Variants in KHSRP observed in about 807,000 individuals in gnomAD.
The protein encoded by KHSRP is KH-type splicing regulatory protein, also known as far upstream element-binding protein 2.
Under a neutral mutation model 94.9 loss-of-function variants are expected in KHSRP, and 13 were observed. The ratio of observed to expected loss-of-function variants is 0.14; its 90% CI spans 0.09 to 0.22. The LOEUF is 0.22. Among genes scored for constraint, KHSRP ranks in the 10% least tolerant of loss-of-function variants. The probability of loss-of-function intolerance (pLI) is 1.00; values close to 1 mark genes in which losing one functional copy is unlikely to be tolerated. For synonymous variants in KHSRP, 495 were observed against 401.4 expected (o/e 1.23, Z -2.79); for missense variants, 710 against 1,010.0 (o/e 0.70, Z 4.03).
At chr19:6,417,578 C>CAGAGA (rs1568342815) in intron 11 of KHSRP, among the ~76,000 whole-genome samples, 161 bp downstream of exon 11, 1 of 152,160 alleles carries the variant, frequency 6.6e-6, no homozygotes, top group Admixed American at 6.5e-5. Flanking sequence ...GTGTCTGTCC[C>CAGAGA]AGAGAAGAGA....
rs1022234351 is a variant in KHSRP, at chr19:6,418,601, C to T, written c.781-20G>A. 22 of 1,613,114 alleles carry T rather than the reference C, an allele frequency of 1.4e-5. No individual in the cohort carries two copies. The highest frequency in any genetic ancestry group is 1.7e-5 in the Admixed American group (1 of 60,002). Reference sequence around the variant, plus strand: ...GCGTTCCTTTACAAGCAAGGTTAACCGTTAGTGCTGGGCTCTCCCAGGACT... The same window carrying T: ...GCGTTCCTTTACAAGCAAGGTTAACTGTTAGTGCTGGGCTCTCCCAGGACT... On this transcript the variant is annotated intron_variant, in intron 8 of 18. Coordinates refer to ENST00000600480, the MANE Select transcript of KHSRP (RefSeq NM_001366299.1). The surrounding 1 kb of genome is among the most constrained non-coding windows in gnomAD (Gnocchi z 4.3).
At chr19:6,415,950 C>T (rs577380273) in intron 15 of KHSRP, 54 bp from the exon 16 acceptor site, 225 of 1,152,380 alleles carry the variant, frequency 2.0e-4, no homozygotes, top group Middle Eastern at 2.3e-4. Flanking sequence ...TGGCCGCAGC[C>T]GGACCACCTG....
Position 6,413,893 on chromosome 19 carries a change from C to G in KHSRP, c.*1131G>C. On this transcript the variant is annotated 3_prime_UTR_variant, in exon 19 of 19. Coordinates refer to ENST00000600480, the MANE Select transcript of KHSRP (RefSeq NM_001366299.1). ...TCTGGCTGGCTCAACATGGAAGGAT[C>G]CCAATTTTGAAAGAAAAAGCATGTG... 1 of 417,392 alleles carries G rather than the reference C, an allele frequency of 2.4e-6. No individual in the cohort carries two copies. The allele number at this position is 417,392 out of a possible 1,614,324, so 25.9% of individuals were successfully genotyped here.
At chr19:6,421,603 T>C in intron 3 of KHSRP, 47 bp downstream of exon 3, 1 of 1,607,416 alleles carries the variant, frequency 6.2e-7, no homozygotes, top group East Asian at 2.2e-5. Flanking sequence ...CCTGAAAACC[T>C]CAACCCTCTG....
At position 6,421,288 on chromosome 19, in the gene KHSRP, G is replaced by A. The variant is rs1004347173; in HGVS notation, c.415C>T (p.Pro139Ser). 7 of 1,590,082 alleles carry A rather than the reference G, an allele frequency of 4.4e-6. No homozygotes were observed. The highest frequency in any genetic ancestry group is 6.0e-6 in the Non-Finnish European group (7 of 1,168,632). ...SISSQLGPIH[P>S]PPRTSMTEEY... ...CCCACCATGGCTTACCTTGGGGGAGGATGGATGGGTCCAAGTTGAGAACTG... is the reference window on the plus strand; with the variant it reads ...CCCACCATGGCTTACCTTGGGGGAGAATGGATGGGTCCAAGTTGAGAACTG... The change falls in exon 4 of 19, where the codon CCT (proline) becomes TCT (serine). Residue 139 changes from proline (P) to serine (S), a missense_variant. This residue lies in a region of KHSRP where 288 missense variants were observed against 501.1 expected (regional missense o/e 0.57). Transcript: ENST00000600480.
intron 5 of KHSRP, 73 bp from the exon 6 acceptor site, chr19:6,420,217 C>T (rs1413124657): frequency 2.8e-6 from 4 of 1,431,824 alleles, no homozygotes; most frequent in East Asian, 2.4e-5. Flanking sequence ...GACTGTGTGG[C>T]CGGGGCCCCA....
rs1318697965 is a variant in KHSRP at position 6,414,925 on chromosome 19, G to T, written c.*99C>A. 7.1e-7 allele frequency: 1 copy of T among 1,405,758 alleles called. No individual in the cohort carries two copies. Among genetic ancestry groups the T allele is most frequent in the African/African-American group, 1.5e-5 (1 of 68,920 alleles). The allele number at this position is 1,405,758 out of a possible 1,614,324, so 87.1% of individuals were successfully genotyped here. Reference sequence around the variant, plus strand: ...ACACAGGAACAAGCAGCCGGCGCAGGGAGGCCTCTTCGTTTAACCTCTGGA... The same window carrying T: ...ACACAGGAACAAGCAGCCGGCGCAGTGAGGCCTCTTCGTTTAACCTCTGGA... On this transcript the variant is annotated 3_prime_UTR_variant, in exon 19 of 19. Coordinates refer to ENST00000600480, the MANE Select transcript of KHSRP (RefSeq NM_001366299.1).
chr19:6,414,140 AG>A lies in KHSRP; in HGVS notation c.*883del. On this transcript the variant is annotated 3_prime_UTR_variant, in exon 19 of 19. Transcript: ENST00000600480. The stretch of plus-strand genomic sequence containing the variant: ...TTGAGCCTGCGGAGAGGGAAGAGAT[AG>A]GAATTGGTCACTACGGGGAGGGAAG... The A allele has an allele frequency of 4.0e-6, 4 of 1,011,858 alleles. No individual in the cohort carries two copies. Among genetic ancestry groups the A allele is most frequent in the South Asian group, 1.2e-5 (1 of 80,136 alleles). The allele number at this position is 1,011,858 out of a possible 1,614,324, so 62.7% of individuals were successfully genotyped here.
In KHSRP at chr19:6,416,297, CTG is replaced by C; in HGVS notation, c.1597_1598del (p.His533CysfsTer28). ...FNQGPPGAPP[H>X]AGGPPPHQYP... ...AAACCCAGGAGGCAGAGGATACTCA[CTG>C]TGGGGGAGCCCCGGGTGGCCCCTGG... On this transcript the variant is annotated frameshift_variant and splice_region_variant, in exon 15 of 19. Coordinates refer to ENST00000600480, the MANE Select transcript of KHSRP (RefSeq NM_001366299.1). LOFTEE classifies it high-confidence loss of function. The C allele has an allele frequency of 6.2e-7, 1 of 1,600,106 alleles. No individual in the cohort carries two copies. Among genetic ancestry groups the C allele is most frequent in the Non-Finnish European group, 8.5e-7 (1 of 1,175,498 alleles).
chr19:6,417,123 T>A, intron 11 of KHSRP, 36 bp from the exon 12 acceptor site: 1 of 1,539,300 alleles, frequency 6.5e-7, no homozygotes, highest in Non-Finnish European at 8.8e-7. Context: ...GACACAAGTT[T>A]AAAAGAAGAG....
intron 1 of KHSRP, among the ~76,000 whole-genome samples, chr19:6,422,983 G>T (rs1018219864): frequency 6.6e-6 from 1 of 152,186 alleles, no homozygotes; most frequent in African/African-American, 2.4e-5. Context: ...GACCAAAACA[G>T]AAGACTCTCT....
In KHSRP at chr19:6,424,408, TGCGC is replaced by T. The variant is rs1161421704; in HGVS notation, c.249+41_249+44del. ...CGTGACCCCCGCCCCCTCCCCCGCC[TGCGC>T]GCGCGCGCGAGCGCGCCCCTCAGGC... On this transcript the variant is annotated intron_variant, in intron 1 of 18. Coordinates refer to ENST00000600480, the MANE Select transcript of KHSRP (RefSeq NM_001366299.1). The T allele has an allele frequency of 2.5e-4, 205 of 819,348 alleles. 1 individual carries two copies. The African/African-American group carries it at 3.6e-3, about 14-fold the overall frequency. 50.8% of individuals were successfully genotyped at this position (819,348 alleles called of 1,614,324 possible).
chr19:6,415,351 G>A (rs1006231257), intron 18 of KHSRP, 29 bp downstream of exon 18: 1 of 1,612,216 alleles, frequency 6.2e-7, no homozygotes, highest in Non-Finnish European at 8.5e-7. Flanking sequence ...GGCTGCCCCT[G>A]CCCCTGTCCC....
chr19:6,416,437 TG>T (rs1568341928), intron 14 of KHSRP, 30 bp from the exon 15 acceptor site: 1 of 1,613,036 alleles, frequency 6.2e-7, no homozygotes, highest in Admixed American at 1.7e-5. Flanking sequence ...CCAAGGTAAG[TG>T]GGCTGGGATC....
Position 6,414,838 on chromosome 19 carries a change from T to A in KHSRP, c.*186A>T. On this transcript the variant is annotated 3_prime_UTR_variant, in exon 19 of 19. Coordinates refer to ENST00000600480, the MANE Select transcript of KHSRP (RefSeq NM_001366299.1). Reference sequence around the variant, plus strand: ...CCGCGCTGTCTGCCTGCCCCCCGACTCCCCAGCAGTTCAGAAGTCCCGCCT... The same window carrying A: ...CCGCGCTGTCTGCCTGCCCCCCGACACCCCAGCAGTTCAGAAGTCCCGCCT... The A allele has an allele frequency of 1.6e-6, 2 of 1,237,310 alleles. No individual in the cohort carries two copies. The highest frequency in any genetic ancestry group is 2.0e-6 in the Non-Finnish European group (2 of 987,554). 76.6% of individuals were successfully genotyped at this position (1,237,310 alleles called of 1,614,324 possible).
chr19:6,421,363 G>T (rs953708031), intron 3 of KHSRP, 46 bp from the exon 4 acceptor site: 1 of 1,560,062 alleles, frequency 6.4e-7, no homozygotes, highest in East Asian at 2.4e-5. Flanking sequence ...GCTCCTCCTC[G>T]GGCACTTGGC....
chr19:6,424,356 C>A, intron 1 of KHSRP, 97 bp downstream of exon 1: 1 of 528,266 alleles, frequency 1.9e-6, no homozygotes, highest in Non-Finnish European at 2.4e-6. Flanking sequence ...CCCGGCCCCC[C>A]TCCGCGACCC....
chr19:6,418,207 G>A lies in KHSRP; in HGVS notation c.880-128C>T. The A allele has an allele frequency of 1.3e-6, 1 of 766,102 alleles. No individual in the cohort carries two copies. The highest frequency in any genetic ancestry group is 2.2e-6 in the Non-Finnish European group (1 of 451,650). The allele number at this position is 766,102 out of a possible 1,614,324, so 47.5% of individuals were successfully genotyped here. On this transcript the variant is annotated intron_variant, in intron 9 of 18. Transcript: ENST00000600480. This position sits in a 1 kb window ranked among gnomAD's most constrained non-coding sequence, Gnocchi z 4.3. ...GGTGAGCCCAGCACAGCACCCTACT[G>A]AGCTCTCTACCTGCCACTTTAATGG...
chr19:6,416,432 G>A (rs762834774), intron 14 of KHSRP, 25 bp from the exon 15 acceptor site: 3 of 1,613,194 alleles, frequency 1.9e-6, no homozygotes, highest in Admixed American at 1.7e-5. Flanking sequence ...AGTAACCAAG[G>A]TAAGTGGGCT....
Sources: gnomAD v4.1 joint callset for allele counts (sites outside exome capture counted in the v4.1 genomes callset) on GRCh38, gnomAD v4.1.1 for gene constraint, gnomAD v4.1.1 regional missense constraint, Gnocchi (gnomAD v3.1) non-coding constraint, MANE v1.5 for transcripts, NCBI Gene and HGNC (gene_info 2026-07-23, HGNC 2026-07-21) for gene names.